The following ERVMER34-1 variants were observed in gnomAD, a reference collection of about 807,000 sequenced individuals.
ERVMER34-1 encodes the protein endogenous retrovirus group MER34 member 1, envelope.
For missense variants in ERVMER34-1, 471 were observed against 295.1 expected (o/e 1.60, Z -4.37); for synonymous variants, 199 against 111.7 (o/e 1.78, Z -4.93).
intron 2 of ERVMER34-1, among the ~76,000 whole-genome samples, chr4:52,749,711 C>G (rs1716238671): frequency 6.6e-6 from 1 of 152,072 alleles, no homozygotes; most frequent in Non-Finnish European, 1.5e-5. Flanking sequence ...ATCACTTGAA[C>G]CCAGGAGGTG....
chr4:52,745,298 A>G lies in ERVMER34-1; in HGVS notation c.223T>C (p.Trp75Arg), dbSNP rs1370572793. The G allele has an allele frequency of 5.7e-6, 4 of 704,018 alleles. No individual in the cohort carries two copies. The Admixed American group carries it at 6.0e-5, about 11-fold the overall frequency. 43.6% of individuals were successfully genotyped at this position (704,018 alleles called of 1,614,324 possible). ...GGATACCACACCCTTTCATACATCC[A>G]TTGTCCAGAATAGGTCCACCAGGTG... The part of the protein sequence containing the change: ...ASTWWTYSGQ[W>R]MYERVWYPQA... Residue 75 changes from tryptophan to arginine, a missense_variant, in exon 3 of 3, where the codon TGG (tryptophan) becomes CGG (arginine). Physicochemically the swap from Trp to Arg is moderately radical, Grantham distance 101. Transcript: ENST00000443173.
intron 2 of ERVMER34-1, among the ~76,000 whole-genome samples, chr4:52,747,127 A>G (rs943939484): frequency 2.0e-5 from 3 of 151,882 alleles, no homozygotes; most frequent in African/African-American, 7.3e-5. Context: ...TACTCGGGAG[A>G]CTGAGGGAGG....
chr4:52,750,313 C>T (rs1335419735), intron 2 of ERVMER34-1, among the ~76,000 whole-genome samples: 5 of 152,222 alleles, frequency 3.3e-5, no homozygotes, highest in Admixed American at 1.3e-4. Context: ...CATAGATTCT[C>T]GACCTCAGCA....
rs1250025697 is a variant in ERVMER34-1 at position 52,745,159 on chromosome 4, C to G, written c.362G>C (p.Gly121Ala). Reference sequence around the variant, plus strand: ...ATTTTCTACGCAAAGAGAAAAATTTCCCTCCAATAACCTTACTTGAGCAAA... The same window carrying G: ...ATTTTCTACGCAAAGAGAAAAATTTGCCTCCAATAACCTTACTTGAGCAAA... The part of the protein sequence containing the change: ...LSFAQVRLLE[G>A]NFSLCVENKN... Residue 121 changes from glycine (G) to alanine (A), a missense_variant, in exon 3 of 3, where the codon GGA becomes GCA. Gly to Ala is a moderately conservative substitution (Grantham distance 60). Coordinates refer to ENST00000443173, the MANE Select transcript of ERVMER34-1 (RefSeq NM_001242690.2). 2 of 703,954 alleles carry G rather than the reference C, an allele frequency of 2.8e-6. No homozygotes were observed. Among genetic ancestry groups the G allele is most frequent in the Non-Finnish European group, 2.6e-6 (1 of 385,012 alleles). The allele number at this position is 703,954 out of a possible 1,614,324, so 43.6% of individuals were successfully genotyped here.
chr4:52,749,235 T>C (rs184001705), intron 2 of ERVMER34-1, among the ~76,000 whole-genome samples: 1 of 152,282 alleles, frequency 6.6e-6, no homozygotes, highest in Non-Finnish European at 1.5e-5. Flanking sequence ...TGTAGTGACC[T>C]CAGCTGCCAT....
At chr4:52,746,580 G>T (rs1384523602) in intron 2 of ERVMER34-1, among the ~76,000 whole-genome samples, 1 of 152,326 alleles carries the variant, frequency 6.6e-6, no homozygotes, top group Non-Finnish European at 1.5e-5. Context: ...AATCTCAGTT[G>T]TTAGTTTCTT....
At position 52,744,144 on chromosome 4, in the gene ERVMER34-1, C is replaced by T. The variant is rs1313608637; in HGVS notation, c.1377G>A (p.Gln459=). Residue 459 remains glutamine, a synonymous_variant, in exon 3 of 3, where the codon CAG becomes CAA. Transcript: ENST00000443173. ...GGTTCTCGGATGCTTCGTGGAGACG[C>T]TGTATATTAGACTTTATTTCTTCCG... ...NYSEEIKSNI[Q]RLHEASENLK... 3 of 703,976 alleles carry T rather than the reference C, an allele frequency of 4.3e-6. No individual in the cohort carries two copies. Among genetic ancestry groups the T allele is most frequent in the Non-Finnish European group, 5.2e-6 (2 of 385,012 alleles). The allele number at this position is 703,976 out of a possible 1,614,324, so 43.6% of individuals were successfully genotyped here.
intron 2 of ERVMER34-1, among the ~76,000 whole-genome samples, chr4:52,748,691 C>A (rs1459582678): frequency 6.6e-6 from 1 of 152,160 alleles, no homozygotes; most frequent in Non-Finnish European, 1.5e-5. Flanking sequence ...ACCACAGAAA[C>A]CTTCACTGAG....
Position 52,745,688 on chromosome 4 carries a change from G to A in ERVMER34-1, c.-168C>T. On this transcript the variant is annotated 5_prime_UTR_variant, in exon 3 of 3. Transcript: ENST00000443173. ...TGAAGTTCTTGGTCTGAGATACTGA[G>A]TAAAGCTGTCTACTTCATCTGCTCA... is the stretch of plus-strand genomic sequence containing the variant. The A allele has an allele frequency of 1.7e-6, 1 of 601,048 alleles. No individual in the cohort carries two copies. The highest frequency in any genetic ancestry group is 1.9e-5 in the African/African-American group (1 of 53,996). The allele number at this position is 601,048 out of a possible 1,614,324, so 37.2% of individuals were successfully genotyped here.
intron 2 of ERVMER34-1, chr4:52,748,223 C>T (rs1321565237): frequency 8.8e-6 from 2 of 227,792 alleles, no homozygotes; most frequent in African/African-American, 2.3e-5. Context: ...TAAAGCTCCT[C>T]TTTGGAGGAG....
In ERVMER34-1 at chr4:52,744,040, A is replaced by G. The variant is rs1213624557; in HGVS notation, c.1481T>C (p.Leu494Pro). Reference protein sequence around the residue: ...GDWFRSWGYVLLIVLFCLFIF... With the variant: ...GDWFRSWGYVPLIVLFCLFIF... Reference sequence around the variant, plus strand: ...GAATAAGCAGAAAAGAACAATTAAAAGCACATAGCCCCATGATCTGAACCA... The same window carrying G: ...GAATAAGCAGAAAAGAACAATTAAAGGCACATAGCCCCATGATCTGAACCA... Residue 494 changes from leucine (L) to proline (P), a missense_variant, in exon 3 of 3, where the codon CTT becomes CCT. Transcript: ENST00000443173. 1.4e-6 allele frequency: 1 copy of G among 707,464 alleles called. No individual in the cohort carries two copies. Among genetic ancestry groups the G allele is most frequent in the Non-Finnish European group, 2.6e-6 (1 of 387,998 alleles). 43.8% of individuals were successfully genotyped at this position (707,464 alleles called of 1,614,324 possible).
At chr4:52,747,059 C>T (rs1439079320) in intron 2 of ERVMER34-1, among the ~76,000 whole-genome samples, 1 of 151,838 alleles carries the variant, frequency 6.6e-6, no homozygotes, top group African/African-American at 2.4e-5. Context: ...CAAAACCCCA[C>T]CTCTACTAAA....
intron 2 of ERVMER34-1, among the ~76,000 whole-genome samples, chr4:52,749,377 A>AC (rs1213989662): frequency 1.3e-5 from 2 of 151,816 alleles, no homozygotes; most frequent in Non-Finnish European, 2.9e-5. Context: ...TCATCTTGCA[A>AC]CTCTGTAATG....
At position 52,743,764 on chromosome 4, in the gene ERVMER34-1, C is replaced by T; in HGVS notation, c.*65G>A. 11 of 1,412,042 alleles carry T rather than the reference C, an allele frequency of 7.8e-6. No individual in the cohort carries two copies. The highest frequency in any genetic ancestry group is 9.3e-6 in the Non-Finnish European group (10 of 1,077,054). The allele number at this position is 1,412,042 out of a possible 1,614,324, so 87.5% of individuals were successfully genotyped here. On this transcript the variant is annotated 3_prime_UTR_variant, in exon 3 of 3. Transcript: ENST00000443173. ...TTTGGCAGCTGAATTCTCGGTAAGA[C>T]CTGCTTTACTCATCAAAGTTTAGCT... is the stretch of plus-strand genomic sequence containing the variant.
At chr4:52,751,174 G>C (rs188085342) in intron 1 of ERVMER34-1, 105 bp from the exon 2 acceptor site, 2 of 152,132 alleles carry the variant, frequency 1.3e-5, no homozygotes, top group African/African-American at 2.4e-5. Context: ...GCCCTGGGAC[G>C]GGCACGGCCG....
chr4:52,745,689 T>C lies in ERVMER34-1; in HGVS notation c.-169A>G. 1 of 600,244 alleles carries C rather than the reference T, an allele frequency of 1.7e-6. No individual in the cohort carries two copies. The highest frequency in any genetic ancestry group is 3.0e-6 in the Non-Finnish European group (1 of 338,748). 37.2% of individuals were successfully genotyped at this position (600,244 alleles called of 1,614,324 possible). A position where few individuals can be genotyped will look rare whatever the true frequency, so the allele number is the denominator to read the frequency against. On this transcript the variant is annotated 5_prime_UTR_variant, in exon 3 of 3. Transcript: ENST00000443173. ...GAAGTTCTTGGTCTGAGATACTGAGTAAAGCTGTCTACTTCATCTGCTCAT... is the reference window on the plus strand; with the variant it reads ...GAAGTTCTTGGTCTGAGATACTGAGCAAAGCTGTCTACTTCATCTGCTCAT...
In ERVMER34-1 at chr4:52,750,959, C is replaced by G. The variant is rs1313274392; in HGVS notation, c.-453G>C. 3 of 152,282 alleles carry G rather than the reference C, an allele frequency of 2.0e-5. No homozygotes were observed. The highest frequency in any genetic ancestry group is 2.0e-4 in the Admixed American group (3 of 15,284). The allele number at this position is 152,282 out of a possible 1,614,324, so 9.4% of individuals were successfully genotyped here. A position where few individuals can be genotyped will look rare whatever the true frequency, so the allele number is the denominator to read the frequency against. On this transcript the variant is annotated 5_prime_UTR_variant, in exon 2 of 3. Transcript: ENST00000443173. The stretch of plus-strand genomic sequence containing the variant: ...GCTTAAAACTGAGGCTGCCGCACCT[C>G]CGCAGACGTAGACAACGAATTCCTG...
In ERVMER34-1 at chr4:52,745,852, G is replaced by A; in HGVS notation, c.-332C>T. On this transcript the variant is annotated 5_prime_UTR_variant, in exon 3 of 3. Transcript: ENST00000443173. ...GGAATTTTATTTTGATGACTATGTA[G>A]GTGGTTAGCAGTACTTCATAAGGTC... 3.7e-6 allele frequency: 1 copy of A among 270,130 alleles called. No homozygotes were observed. Among genetic ancestry groups the A allele is most frequent in the Non-Finnish European group, 7.0e-6 (1 of 142,732 alleles). The allele number at this position is 270,130 out of a possible 1,614,324, so 16.7% of individuals were successfully genotyped here.
At position 52,743,666 on chromosome 4, in the gene ERVMER34-1, T is replaced by G. The variant is rs1716068366; in HGVS notation, c.*163A>C. 1.7e-6 allele frequency: 1 copy of G among 591,418 alleles called. No individual in the cohort carries two copies. The highest frequency in any genetic ancestry group is 3.3e-5 in the Admixed American group (1 of 30,114). 36.6% of individuals were successfully genotyped at this position (591,418 alleles called of 1,614,324 possible). A position where few individuals can be genotyped will look rare whatever the true frequency, so the allele number is the denominator to read the frequency against. Reference sequence around the variant, plus strand: ...AGAATGAAACTACAAAAAGTTCTGATAAGGCTTATTTACAATACCTTGGGA... The same window carrying G: ...AGAATGAAACTACAAAAAGTTCTGAGAAGGCTTATTTACAATACCTTGGGA... On this transcript the variant is annotated 3_prime_UTR_variant, in exon 3 of 3. Coordinates refer to ENST00000443173, the MANE Select transcript of ERVMER34-1 (RefSeq NM_001242690.2).
Sources: allele counts gnomAD v4.1 joint callset (sites outside exome capture counted in the v4.1 genomes callset), GRCh38; gene constraint gnomAD v4.1.1; transcripts MANE v1.5; gene names NCBI Gene and HGNC (gene_info 2026-07-23, HGNC 2026-07-21).